NFIB: variants seen among roughly 807,000 people sequenced by gnomAD.
NFIB encodes nuclear factor 1 B-type.
A neutral mutation model predicts 61.5 loss-of-function variants in NFIB; 11 were observed. The observed-to-expected ratio is 0.18, with a 90% confidence interval of 0.11 to 0.30. NFIB has a LOEUF of 0.30. Among genes scored for constraint, NFIB ranks in the 10% least tolerant of loss-of-function variants. NFIB has a pLI of 1.00. For missense variants in NFIB, 471 were observed against 608.9 expected (o/e 0.77, Z 2.38); for synonymous variants, 260 against 216.5 (o/e 1.20, Z -1.76).
chr9:14,398,895 A>C (rs1363506368), exon 1 of NFIB: 1 of 357,792 alleles, frequency 2.8e-6, no homozygotes, highest in Non-Finnish European at 5.0e-6. Context: ...CGACATGTGA[A>C]TCTTTTAGAT....
intron 10 of NFIB, chr9:14,096,461 T>G (rs746433534): frequency 6.6e-6 from 1 of 152,160 alleles, no homozygotes; most frequent in African/African-American, 2.4e-5. Context: ...CGGAAAAAAG[T>G]TGTTTTCTTT....
upstream of NFIB, among the ~76,000 whole-genome samples, chr9:14,399,878 C>CCA (rs2061725533): frequency 6.6e-6 from 1 of 152,072 alleles, no homozygotes; most frequent in Admixed American, 6.6e-5. Flanking sequence ...TTAACTTAAG[C>CCA]CACAGAGTAT....
At chr9:14,482,358 G>GGATAT in the NFIB span, among the ~76,000 whole-genome samples, 1 of 152,040 alleles carries the variant, frequency 6.6e-6, no homozygotes, top group African/African-American at 2.4e-5. Context: ...GGGCAGGAGG[G>GGATAT]GATATCGTGT....
chr9:14,180,825 C>T (rs1369623265), intron 2 of NFIB: 3 of 152,102 alleles, frequency 2.0e-5, no homozygotes, highest in South Asian at 2.1e-4. Flanking sequence ...CAGTAAACGC[C>T]GGAGGAATGG....
intron 6 of NFIB, 144 bp downstream of exon 6, chr9:14,146,545 C>G: frequency 8.2e-7 from 1 of 1,225,608 alleles, no homozygotes; most frequent in Non-Finnish European, 1.1e-6. Flanking sequence ...CTAACATTAT[C>G]TCAAAAATAA....
the NFIB span, among the ~76,000 whole-genome samples, chr9:14,463,659 C>CTCCTTTTTTTTTTTT: frequency 1.5e-5 from 1 of 65,824 alleles, no homozygotes. Context: ...ATTTGATTTT[C>CTCCTTTTTTTTTTTT]TTTTTTTTTT....
At chr9:14,282,869 C>A (rs2058468859) in intron 2 of NFIB, among the ~76,000 whole-genome samples, 1 of 152,190 alleles carries the variant, frequency 6.6e-6, no homozygotes, top group African/African-American at 2.4e-5. Flanking sequence ...GAACTTCGGT[C>A]ATGACTGGCT....
chr9:14,482,015 C>A, the NFIB span, among the ~76,000 whole-genome samples: 1 of 152,018 alleles, frequency 6.6e-6, no homozygotes, highest in Non-Finnish European at 1.5e-5. Context: ...GTGACTCTTA[C>A]CCTCATCTTC....
intron 2 of NFIB, among the ~76,000 whole-genome samples, chr9:14,285,401 C>T (rs1297729541): frequency 1.3e-5 from 2 of 152,206 alleles, no homozygotes; most frequent in Admixed American, 6.5e-5. Flanking sequence ...GGATTACAGG[C>T]GTGAGCCATC....
intron 1 of NFIB, among the ~76,000 whole-genome samples, chr9:14,349,749 T>G (rs2061082069): frequency 6.6e-6 from 1 of 152,154 alleles, no homozygotes; most frequent in African/African-American, 2.4e-5. Flanking sequence ...CGAGGACTGA[T>G]GGGCTATGCG....
intron 1 of NFIB, among the ~76,000 whole-genome samples, chr9:14,356,944 G>A (rs1478219251): frequency 6.6e-6 from 1 of 152,204 alleles, no homozygotes; most frequent in Non-Finnish European, 1.5e-5. Context: ...TATTATAGCG[G>A]AATGTTTGGT....
chr9:14,243,795 A>T (rs1331451804), intron 2 of NFIB, among the ~76,000 whole-genome samples: 1 of 152,204 alleles, frequency 6.6e-6, no homozygotes, highest in African/African-American at 2.4e-5. Context: ...CCTAAGCTGC[A>T]TGACATCATG....
At chr9:14,347,973 C>G (rs528262498) in intron 1 of NFIB, among the ~76,000 whole-genome samples, 2 of 152,254 alleles carry the variant, frequency 1.3e-5, no homozygotes, top group Admixed American at 6.5e-5. Flanking sequence ...CACGTGCGCT[C>G]GCGGTCCTTG....
At chr9:14,452,048 G>A in the NFIB span, among the ~76,000 whole-genome samples, 1 of 152,062 alleles carries the variant, frequency 6.6e-6, no homozygotes, top group Admixed American at 6.6e-5. Context: ...AGGTTTTCAT[G>A]TTTAAGTCAA....
intron 2 of NFIB, among the ~76,000 whole-genome samples, chr9:14,199,753 G>C (rs1226546306): frequency 1.3e-5 from 2 of 151,990 alleles, no homozygotes; most frequent in African/African-American, 4.8e-5. Flanking sequence ...TATGACTTCA[G>C]TTCATTGGAG....
chr9:14,467,954 T>C, the NFIB span, among the ~76,000 whole-genome samples: 4 of 152,350 alleles, frequency 2.6e-5, no homozygotes, highest in Admixed American at 2.6e-4. Context: ...CAATTCCAAG[T>C]GTGTGTTCTT....
chr9:14,450,522 T>C, the NFIB span, among the ~76,000 whole-genome samples: 2 of 152,202 alleles, frequency 1.3e-5, no homozygotes, highest in Non-Finnish European at 2.9e-5. Flanking sequence ...ATTTATTCTG[T>C]ACTTTGAAAA....
At chr9:14,390,272 C>G (rs1022190374) in intron 1 of NFIB, among the ~76,000 whole-genome samples, 1 of 152,112 alleles carries the variant, frequency 6.6e-6, no homozygotes, top group Admixed American at 6.5e-5. Flanking sequence ...GATTACTTTA[C>G]CATTCTAAGC....
At chr9:14,268,187 T>C (rs759954527) in intron 2 of NFIB, among the ~76,000 whole-genome samples, 2 of 151,990 alleles carry the variant, frequency 1.3e-5, no homozygotes, top group Admixed American at 6.6e-5. Flanking sequence ...ATATTTTACA[T>C]GAAAATTTAA....
Sources: allele counts gnomAD v4.1 joint callset (sites outside exome capture counted in the v4.1 genomes callset), GRCh38; gene constraint gnomAD v4.1.1; transcripts MANE v1.5; gene names NCBI Gene and HGNC (gene_info 2026-07-23, HGNC 2026-07-21).